AGMO: variants seen among roughly 807,000 people sequenced by gnomAD.
The protein encoded by AGMO is alkylglycerol monooxygenase, also known as glyceryl-ether monooxygenase.
A neutral mutation model predicts 60.2 loss-of-function variants in AGMO; 75 were observed. The ratio of observed to expected loss-of-function variants is 1.25; its 90% CI spans 1.03 to 1.51. The LOEUF (loss-of-function observed/expected upper bound fraction) is 1.51. AGMO is among the 40% of genes most tolerant of loss of function. The pLI is 0.00. For missense variants in AGMO, 763 were observed against 525.5 expected (o/e 1.45, Z -4.42); for synonymous variants, 261 against 177.1 (o/e 1.47, Z -3.76).
intron 8 of AGMO, among the ~76,000 whole-genome samples, chr7:15,390,457 A>G (rs1472420368): frequency 2.0e-5 from 3 of 152,240 alleles, no homozygotes; most frequent in South Asian, 2.1e-4. Context: ...GGCCATAGAC[A>G]TATTTGAAAA....
At chr7:15,317,261 T>C (rs1780953844) in intron 12 of AGMO, among the ~76,000 whole-genome samples, 1 of 152,164 alleles carries the variant, frequency 6.6e-6, no homozygotes, top group Non-Finnish European at 1.5e-5. Context: ...TAACTCCTGA[T>C]TTGCATTATA....
intron 12 of AGMO, among the ~76,000 whole-genome samples, chr7:15,226,113 C>T (rs542127330): frequency 1.6e-4 from 25 of 152,114 alleles, no homozygotes; most frequent in African/African-American, 5.1e-4. Context: ...GAAAAACTAG[C>T]CTTTCTCACC....
chr7:15,148,675 G>A, the AGMO span, among the ~76,000 whole-genome samples: 2 of 152,138 alleles, frequency 1.3e-5, no homozygotes, highest in Non-Finnish European at 2.9e-5. Flanking sequence ...TGGCTGCATA[G>A]TATTCCATGG....
At chr7:15,361,800 C>T (rs554024446) in intron 12 of AGMO, among the ~76,000 whole-genome samples, 1 of 152,020 alleles carries the variant, frequency 6.6e-6, no homozygotes. Flanking sequence ...GCACACACCT[C>T]CCAAATAATG....
intron 3 of AGMO, among the ~76,000 whole-genome samples, chr7:15,538,957 G>C (rs141066882): frequency 3.3e-5 from 5 of 152,040 alleles, no homozygotes; most frequent in Non-Finnish European, 7.4e-5. Flanking sequence ...AGGAAAAAAA[G>C]TTACAGTTTG....
At chr7:15,187,339 A>G in the AGMO span, among the ~76,000 whole-genome samples, 2 of 152,218 alleles carry the variant, frequency 1.3e-5, no homozygotes, top group African/African-American at 4.8e-5. Context: ...ATGGGACACC[A>G]GTATGCTGAA....
intron 12 of AGMO, among the ~76,000 whole-genome samples, chr7:15,236,904 A>G (rs550152376): frequency 1.3e-5 from 2 of 152,272 alleles, no homozygotes; most frequent in Non-Finnish European, 2.9e-5. Flanking sequence ...AGAAACGGCC[A>G]TCTAAGAAAC....
Position 15,436,511 on chromosome 7 carries a change from T to C in AGMO, c.410-5403A>G, listed in dbSNP as rs146300626. ...TAAACACCTCCCATTAGGCCCCACC[T>C]CCTAACATTGTTGCATTTGTGATTA... On this transcript the variant is annotated intron_variant, in intron 3 of 12. Transcript: ENST00000342526. Among the ~76,000 whole-genome samples, 506 of 152,256 alleles carry C rather than the reference T, an allele frequency of 3.3e-3. 3 individuals are homozygous for C. Among genetic ancestry groups the C allele is most frequent in the African/African-American group, 0.011 (476 of 41,558 alleles).
chr7:15,397,323 C>A (rs535511179), intron 5 of AGMO, among the ~76,000 whole-genome samples: 3 of 151,754 alleles, frequency 2.0e-5, no homozygotes, highest in Non-Finnish European at 2.9e-5. Flanking sequence ...AACCCGCAGC[C>A]GCCCGGAACC....
At chr7:15,392,989 T>G (rs1199310098) in intron 6 of AGMO, among the ~76,000 whole-genome samples, 1 of 152,222 alleles carries the variant, frequency 6.6e-6, no homozygotes, top group Non-Finnish European at 1.5e-5. Context: ...TTATGGAATA[T>G]AGTACCGAAA....
chr7:15,387,360 A>G (rs1783957814), intron 9 of AGMO, 46 bp downstream of exon 9: 5 of 1,597,438 alleles, frequency 3.1e-6, no homozygotes, highest in Non-Finnish European at 4.3e-6. Context: ...AGACCTGACA[A>G]TATGAGACAA....
chr7:15,219,324 T>C (rs1379531693), intron 12 of AGMO, among the ~76,000 whole-genome samples: 1 of 152,162 alleles, frequency 6.6e-6, no homozygotes, highest in Non-Finnish European at 1.5e-5. Flanking sequence ...AATGAAGTGC[T>C]GGAGCACAGT....
At chr7:15,274,943 C>A (rs965596960) in intron 12 of AGMO, among the ~76,000 whole-genome samples, 2 of 151,536 alleles carry the variant, frequency 1.3e-5, no homozygotes, top group African/African-American at 4.8e-5. Context: ...TGTTTTTCTT[C>A]ATTGAGCTCA....
chr7:15,478,369 G>A (rs905406763), intron 3 of AGMO, among the ~76,000 whole-genome samples: 2 of 152,152 alleles, frequency 1.3e-5, no homozygotes, highest in African/African-American at 4.8e-5. Flanking sequence ...TCTTTAAGAA[G>A]AAGAACTGTA....
intron 3 of AGMO, among the ~76,000 whole-genome samples, chr7:15,537,303 G>A (rs1201242752): frequency 6.6e-6 from 1 of 152,018 alleles, no homozygotes; most frequent in African/African-American, 2.4e-5. Context: ...TAATCCCAAG[G>A]TTATGTGTGT....
the AGMO span, among the ~76,000 whole-genome samples, chr7:15,156,410 T>C: frequency 6.6e-6 from 1 of 152,156 alleles, no homozygotes; most frequent in Non-Finnish European, 1.5e-5. Flanking sequence ...AAGACACCCC[T>C]GTTCTATCCA....
the AGMO span, among the ~76,000 whole-genome samples, chr7:15,147,509 T>A: frequency 6.6e-6 from 1 of 152,118 alleles, no homozygotes; most frequent in Non-Finnish European, 1.5e-5. Context: ...GCCTCCACGA[T>A]TCAGTTACCT....
At chr7:15,447,102 T>C (rs1781719312) in intron 3 of AGMO, among the ~76,000 whole-genome samples, 1 of 152,208 alleles carries the variant, frequency 6.6e-6, no homozygotes, top group South Asian at 2.1e-4. Flanking sequence ...AGTAGTACTC[T>C]TTTAAGTTCC....
intron 5 of AGMO, among the ~76,000 whole-genome samples, chr7:15,403,487 GTATT>G (rs144172477): frequency 0.028 from 4,256 of 151,924 alleles, 191 homozygotes; most frequent in African/African-American, 0.098. Context: ...ACTAATTTAT[GTATT>G]TATTAACTTA....
Sources: allele counts gnomAD v4.1 joint callset (sites outside exome capture counted in the v4.1 genomes callset), GRCh38; gene constraint gnomAD v4.1.1; transcripts MANE v1.5; gene names NCBI Gene and HGNC (gene_info 2026-07-23, HGNC 2026-07-21).